Variants in CCDC102B observed in about 807,000 individuals in gnomAD.
The protein encoded by CCDC102B is coiled-coil domain-containing protein 102B.
CCDC102B carries 75 observed loss-of-function variants against 57.4 expected under a neutral mutation model. The ratio of observed to expected loss-of-function variants is 1.31; its 90% confidence interval spans 1.08 to 1.58. The LOEUF (loss-of-function observed/expected upper bound fraction) is 1.58. Ranked by LOEUF, CCDC102B falls within the 40% of genes most tolerant of loss-of-function variation. The pLI, the probability that CCDC102B is intolerant of heterozygous loss-of-function variation, is 0.00. For missense variants in CCDC102B, 636 were observed against 582.6 expected (o/e 1.09, Z -0.94); for synonymous variants, 206 against 201.9 (o/e 1.02, Z -0.17).
intron 6 of CCDC102B, among the ~76,000 whole-genome samples, chr18:68,901,502 T>G (rs1324041689): frequency 6.6e-6 from 1 of 151,958 alleles, no homozygotes; most frequent in East Asian, 1.9e-4. Context: ...AGAAGGAAAA[T>G]GTGACAGAGT....
chr18:68,721,997 TA>T (rs1463492644), intron 2 of CCDC102B, among the ~76,000 whole-genome samples: 1 of 152,194 alleles, frequency 6.6e-6, no homozygotes, highest in African/African-American at 2.4e-5. Flanking sequence ...GTGGGGCAAG[TA>T]CATGATACAA....
Position 69,047,319 on chromosome 18 carries a change from C to T in CCDC102B, c.1435-6711C>T, listed in dbSNP as rs2052592449. On this transcript the variant is annotated intron_variant, in intron 7 of 7. Coordinates refer to ENST00000360242, the MANE Select transcript of CCDC102B (RefSeq NM_024781.3). The stretch of plus-strand genomic sequence containing the variant: ...TGATTATCTCAATAGATACAGAAAA[C>T]ACTTTCAATAAAATCCAATATCCCT... Among the ~76,000 whole-genome samples the T allele has an allele frequency of 2.6e-5, 4 of 151,980 alleles. No homozygotes were observed. The South Asian group carries it at 8.3e-4, about 32-fold the overall frequency.
At chr18:69,009,410 A>G (rs1363434413) in intron 6 of CCDC102B, among the ~76,000 whole-genome samples, 1 of 152,164 alleles carries the variant, frequency 6.6e-6, no homozygotes, top group Admixed American at 6.5e-5. Flanking sequence ...ACCCCTGGTC[A>G]CCACTACAAT....
intron 2 of CCDC102B, among the ~76,000 whole-genome samples, chr18:68,750,416 G>C (rs968003994): frequency 2.0e-5 from 3 of 152,064 alleles, no homozygotes; most frequent in South Asian, 2.1e-4. Context: ...CTAGAAATAC[G>C]ATTTGACCCA....
At chr18:68,992,531 A>G (rs1488833540) in intron 6 of CCDC102B, among the ~76,000 whole-genome samples, 1 of 152,190 alleles carries the variant, frequency 6.6e-6, no homozygotes, top group African/African-American at 2.4e-5. Context: ...ACACGAGTAG[A>G]GCAGAATATC....
chr18:68,980,980 A>G (rs886840403), intron 6 of CCDC102B, among the ~76,000 whole-genome samples: 2 of 152,036 alleles, frequency 1.3e-5, no homozygotes, highest in African/African-American at 4.8e-5. Flanking sequence ...CCCAATAAGG[A>G]GGCTATTGCA....
chr18:69,030,646 A>G (rs1599872401), intron 7 of CCDC102B, among the ~76,000 whole-genome samples: 1 of 152,146 alleles, frequency 6.6e-6, no homozygotes, highest in East Asian at 1.9e-4. Context: ...TCTCATTAAC[A>G]AATGAGTATG....
chr18:68,875,984 T>A (rs2032220), intron 5 of CCDC102B, among the ~76,000 whole-genome samples: 3 of 151,872 alleles, frequency 2.0e-5, no homozygotes, highest in African/African-American at 7.3e-5. Flanking sequence ...AAGGCTGAAC[T>A]GTTGAATACA....
chr18:68,950,175 C>CT (rs993226412), intron 6 of CCDC102B, among the ~76,000 whole-genome samples: 3 of 152,060 alleles, frequency 2.0e-5, no homozygotes, highest in Non-Finnish European at 4.4e-5. Context: ...TTGGTAATGC[C>CT]TTTTTTTCTG....
chr18:68,854,067 T>C (rs2038266443), intron 4 of CCDC102B, among the ~76,000 whole-genome samples: 1 of 148,564 alleles, frequency 6.7e-6, no homozygotes, highest in Admixed American at 6.9e-5. Context: ...CAGGTATCTT[T>C]ATGTTAGCAT....
chr18:68,774,499 A>G (rs2034745660), intron 2 of CCDC102B, among the ~76,000 whole-genome samples: 1 of 151,940 alleles, frequency 6.6e-6, no homozygotes, highest in Non-Finnish European at 1.5e-5. Context: ...AAAATTTCTC[A>G]TTTGCTTTAT....
intron 2 of CCDC102B, among the ~76,000 whole-genome samples, chr18:68,727,032 G>A (rs900981760): frequency 6.6e-6 from 1 of 152,118 alleles, no homozygotes; most frequent in East Asian, 1.9e-4. Flanking sequence ...AGACCTATTT[G>A]GGTTTTGGAA....
chr18:68,896,980 C>T (rs2040264503), intron 5 of CCDC102B, among the ~76,000 whole-genome samples: 1 of 152,032 alleles, frequency 6.6e-6, no homozygotes, highest in Non-Finnish European at 1.5e-5. Context: ...AAATATGGTA[C>T]ATATGGCTGT....
intron 6 of CCDC102B, among the ~76,000 whole-genome samples, chr18:68,945,450 C>T (rs1337355137): frequency 6.6e-6 from 1 of 152,030 alleles, no homozygotes; most frequent in Non-Finnish European, 1.5e-5. Context: ...TATCTATATT[C>T]TCTACGCCTG....
chr18:68,738,105 C>T (rs1427227383), intron 2 of CCDC102B, among the ~76,000 whole-genome samples: 2 of 152,208 alleles, frequency 1.3e-5, no homozygotes, highest in African/African-American at 4.8e-5. Flanking sequence ...TCATGACTCC[C>T]TGTATCTACA....
chr18:69,010,815 A>G (rs2051494550), intron 6 of CCDC102B, 119 bp from the exon 7 acceptor site: 2 of 641,006 alleles, frequency 3.1e-6, no homozygotes, highest in South Asian at 5.7e-5. Flanking sequence ...GCAAATGAAG[A>G]TGATGGCTCA....
intron 6 of CCDC102B, among the ~76,000 whole-genome samples, chr18:68,916,336 C>T (rs943144545): frequency 6.6e-6 from 1 of 152,148 alleles, no homozygotes; most frequent in African/African-American, 2.4e-5. Flanking sequence ...CCAGAAGATG[C>T]AGGGGTCAGG....
At chr18:69,011,129 G>A in intron 7 of CCDC102B, 25 bp downstream of exon 7, 3 of 1,595,944 alleles carry the variant, frequency 1.9e-6, no homozygotes, top group South Asian at 2.3e-5. Flanking sequence ...GTGAACACGT[G>A]CTGGACAGCT....
intron 2 of CCDC102B, among the ~76,000 whole-genome samples, chr18:68,790,415 G>A (rs1048110382): frequency 9.2e-5 from 14 of 151,912 alleles, no homozygotes; most frequent in East Asian, 3.9e-4. Flanking sequence ...AATGGCGGGC[G>A]CCCCTCCCCC....
Sources: gnomAD v4.1 joint callset for allele counts (sites outside exome capture counted in the v4.1 genomes callset) on GRCh38, gnomAD v4.1.1 for gene constraint, MANE v1.5 for transcripts, NCBI Gene and HGNC (gene_info 2026-07-23, HGNC 2026-07-21) for gene names.